The following NELL2 variants were observed in gnomAD, a reference collection of about 807,000 sequenced individuals.
NELL2 encodes the protein protein kinase C-binding protein NELL2.
In NELL2, 41 loss-of-function variants were observed where a neutral mutation model predicts 109.6. The ratio of observed to expected loss-of-function variants is 0.37; its 90% CI spans 0.29 to 0.49. The LOEUF is 0.49. NELL2 is among the 20% of genes least tolerant of loss of function. The probability of loss-of-function intolerance (pLI) is 0.98; values close to 1 mark genes in which losing one functional copy is unlikely to be tolerated. For missense variants in NELL2, 900 were observed against 1,008.3 expected (o/e 0.89, Z 1.45); for synonymous variants, 355 against 344.7 (o/e 1.03, Z -0.33).
chr12:44,577,983 A>G (rs1944174165), intron 15 of NELL2, among the ~76,000 whole-genome samples: 1 of 152,074 alleles, frequency 6.6e-6, no homozygotes, highest in African/African-American at 2.4e-5. Flanking sequence ...TAATTTGTGT[A>G]TTTTCAATTC....
At chr12:44,921,373 G>A (rs1945866851) in intron 1 of NELL2, among the ~76,000 whole-genome samples, 1 of 152,114 alleles carries the variant, frequency 6.6e-6, no homozygotes, top group African/African-American at 2.4e-5. Flanking sequence ...GCTCTCAGAC[G>A]CTTACAGTCT....
upstream of NELL2, among the ~76,000 whole-genome samples, chr12:44,914,679 G>A (rs774398406): frequency 2.3e-4 from 35 of 152,240 alleles, no homozygotes; most frequent in Middle Eastern, 3.4e-3. Flanking sequence ...GCTTAACACA[G>A]AGTAGCTGCT....
chr12:44,579,727 C>T (rs1944255981), intron 15 of NELL2, among the ~76,000 whole-genome samples: 1 of 152,070 alleles, frequency 6.6e-6, no homozygotes, highest in Admixed American at 6.5e-5. Flanking sequence ...TCAATAGGGT[C>T]AGTTATTTTT....
chr12:44,677,056 T>G (rs984181343), intron 12 of NELL2, among the ~76,000 whole-genome samples: 2 of 152,082 alleles, frequency 1.3e-5, no homozygotes, highest in African/African-American at 2.4e-5. Flanking sequence ...AACCCAGTCT[T>G]ACAAACAGGG....
chr12:44,875,110 A>G (rs1945274656), intron 2 of NELL2, 115 bp downstream of exon 2: 8 of 1,384,762 alleles, frequency 5.8e-6, no homozygotes, highest in Non-Finnish European at 7.7e-6. Flanking sequence ...TCTACACCTC[A>G]GCTAAAGTAC....
At chr12:44,798,410 C>T (rs2136646559) in intron 3 of NELL2, among the ~76,000 whole-genome samples, 1 of 151,820 alleles carries the variant, frequency 6.6e-6, no homozygotes, top group Admixed American at 6.6e-5. Context: ...GTATTACTAA[C>T]AAATAGAAAA....
At chr12:44,666,943 C>A (rs564576398) in intron 12 of NELL2, among the ~76,000 whole-genome samples, 1 of 152,108 alleles carries the variant, frequency 6.6e-6, no homozygotes, top group Middle Eastern at 3.2e-3. Flanking sequence ...ACTGCTATAC[C>A]TTCTCTCCCT....
intron 13 of NELL2, among the ~76,000 whole-genome samples, chr12:44,645,208 C>T (rs187185401): frequency 1.0e-3 from 157 of 152,168 alleles, no homozygotes; most frequent in Non-Finnish European, 7.6e-4. Context: ...GGAGGGGACA[C>T]ATGATAGCTT....
chr12:44,549,780 G>T (rs569001730), intron 15 of NELL2, among the ~76,000 whole-genome samples: 149 of 152,226 alleles, frequency 9.8e-4, no homozygotes, highest in Non-Finnish European at 1.7e-3. Context: ...CTAAGTTCAT[G>T]GATTGGAAGG....
At chr12:44,680,588 A>G (rs1222206382) in intron 12 of NELL2, among the ~76,000 whole-genome samples, 2 of 152,142 alleles carry the variant, frequency 1.3e-5, no homozygotes, top group Admixed American at 1.3e-4. Flanking sequence ...CAAGACACAC[A>G]ATTCAGAACC....
At chr12:44,846,142 G>A (rs1382439025) in intron 2 of NELL2, among the ~76,000 whole-genome samples, 3 of 152,112 alleles carry the variant, frequency 2.0e-5, no homozygotes, top group African/African-American at 4.8e-5. Context: ...ATGGTTTAAG[G>A]CCATTTAAGA....
chr12:44,587,284 A>AAATATATAT, intron 15 of NELL2, among the ~76,000 whole-genome samples: 1 of 72,220 alleles, frequency 1.4e-5, no homozygotes, highest in African/African-American at 5.1e-5. Flanking sequence ...AAAAAAAAAA[A>AAATATATAT]ATATATATAT....
intron 15 of NELL2, among the ~76,000 whole-genome samples, chr12:44,595,457 C>G (rs1357979155): frequency 6.6e-6 from 1 of 152,300 alleles, no homozygotes; most frequent in South Asian, 2.1e-4. Flanking sequence ...GATGGAGTCT[C>G]GCTCTGTCGC....
intron 1 of NELL2, among the ~76,000 whole-genome samples, chr12:44,902,658 C>A (rs1001617411): frequency 1.3e-5 from 2 of 152,142 alleles, no homozygotes; most frequent in East Asian, 3.9e-4. Flanking sequence ...AACTATACTA[C>A]AAGGCTACAG....
At chr12:44,597,172 C>T (rs763765377) in intron 15 of NELL2, among the ~76,000 whole-genome samples, 3 of 152,140 alleles carry the variant, frequency 2.0e-5, no homozygotes, top group Non-Finnish European at 4.4e-5. Flanking sequence ...GTTTTCCTCT[C>T]TGGAGCAACA....
At chr12:44,587,922 C>T (rs148905801) in intron 15 of NELL2, among the ~76,000 whole-genome samples, 2,927 of 152,092 alleles carry the variant, frequency 0.019, 109 homozygotes, top group African/African-American at 0.067. Context: ...GAGGCCAAGG[C>T]GGGCGGATCA....
At chr12:44,641,768 C>T (rs537449063) in intron 13 of NELL2, among the ~76,000 whole-genome samples, 1 of 136,214 alleles carries the variant, frequency 7.3e-6, no homozygotes, top group Non-Finnish European at 1.5e-5. Context: ...GGGATCTCGG[C>T]TCACTGCAAC....
chr12:44,625,369 C>A (rs1946216933), intron 13 of NELL2, among the ~76,000 whole-genome samples: 4 of 152,008 alleles, frequency 2.6e-5, no homozygotes, highest in Non-Finnish European at 5.9e-5. Context: ...ATGGCATCAA[C>A]CAACTCTCCA....
chr12:44,608,631 T>C (rs1945494467), intron 14 of NELL2, among the ~76,000 whole-genome samples: 1 of 152,012 alleles, frequency 6.6e-6, no homozygotes, highest in African/African-American at 2.4e-5. Context: ...TGTCTGCATC[T>C]GTTCATAATT....
Sources: allele counts gnomAD v4.1 joint callset (sites outside exome capture counted in the v4.1 genomes callset), GRCh38; gene constraint gnomAD v4.1.1; transcripts MANE v1.5; gene names NCBI Gene and HGNC (gene_info 2026-07-23, HGNC 2026-07-21).